Variants in THRB observed in about 807,000 individuals in gnomAD.
THRB encodes thyroid hormone receptor beta, also known as nuclear receptor subfamily 1 group A member 2.
Under a neutral mutation model 47.8 loss-of-function variants are expected in THRB, and 12 were observed. The observed-to-expected ratio is 0.25, with a 90% CI of 0.16 to 0.41. The LOEUF is 0.41. THRB is among the 10% of genes least tolerant of loss of function. THRB has a pLI of 1.00. For synonymous variants in THRB, 218 were observed against 212.2 expected (o/e 1.03, Z -0.24); for missense variants, 348 against 589.2 (o/e 0.59, Z 4.24).
At chr3:24,182,804 T>C (rs2042074702) in intron 5 of THRB, among the ~76,000 whole-genome samples, 2 of 152,202 alleles carry the variant, frequency 1.3e-5, no homozygotes, top group African/African-American at 4.8e-5. Flanking sequence ...ACTGTATAAG[T>C]AGATACGTGC....
chr3:24,404,765 C>T (rs1332191894), intron 1 of THRB, among the ~76,000 whole-genome samples: 1 of 151,756 alleles, frequency 6.6e-6, no homozygotes, highest in Non-Finnish European at 1.5e-5. Flanking sequence ...TTAATAAACA[C>T]AATTTCTTTG....
intron 1 of THRB, among the ~76,000 whole-genome samples, chr3:24,445,318 G>A (rs1312651404): frequency 6.6e-6 from 1 of 152,020 alleles, no homozygotes; most frequent in Non-Finnish European, 1.5e-5. Flanking sequence ...TTATTTATCA[G>A]CTATTGAGCC....
intron 1 of THRB, among the ~76,000 whole-genome samples, chr3:24,375,689 A>G (rs1487301705): frequency 6.6e-6 from 1 of 151,772 alleles, no homozygotes; most frequent in Non-Finnish European, 1.5e-5. Context: ...AGTGGAATAT[A>G]TTCTCAACAT....
chr3:24,312,168 T>C (rs1256025420), intron 2 of THRB, among the ~76,000 whole-genome samples: 1 of 152,228 alleles, frequency 6.6e-6, no homozygotes, highest in African/African-American at 2.4e-5. Context: ...CTTTGGGAAG[T>C]TTTCCTGACC....
chr3:24,171,993 T>C (rs2040500291), intron 5 of THRB, among the ~76,000 whole-genome samples: 1 of 152,166 alleles, frequency 6.6e-6, no homozygotes, highest in South Asian at 2.1e-4. Flanking sequence ...AAATAAACTT[T>C]ATAATCAAAT....
chr3:24,453,522 C>T (rs550642018), intron 1 of THRB, among the ~76,000 whole-genome samples: 2 of 152,310 alleles, frequency 1.3e-5, no homozygotes, highest in East Asian at 1.9e-4. Flanking sequence ...AGTCATTGCT[C>T]ACTCTAGCAA....
intron 1 of THRB, among the ~76,000 whole-genome samples, chr3:24,436,813 TG>T (rs1340764782): frequency 2.9e-4 from 44 of 152,176 alleles, no homozygotes; most frequent in African/African-American, 1.0e-3. Context: ...TCTCTTCTTC[TG>T]TGTGATATAT....
chr3:24,451,482 G>C (rs1204743369), intron 1 of THRB, among the ~76,000 whole-genome samples: 1 of 151,998 alleles, frequency 6.6e-6, no homozygotes, highest in African/African-American at 2.4e-5. Context: ...TGATCCACCC[G>C]CCTCAGCCTC....
intron 3 of THRB, among the ~76,000 whole-genome samples, chr3:24,252,278 C>T (rs986875380): frequency 6.6e-6 from 1 of 151,926 alleles, no homozygotes; most frequent in African/African-American, 2.4e-5. Flanking sequence ...AGTATTGGTG[C>T]ATGAAAAGTT....
At chr3:24,374,490 C>A (rs976184258) in intron 1 of THRB, among the ~76,000 whole-genome samples, 2 of 151,918 alleles carry the variant, frequency 1.3e-5, no homozygotes, top group Non-Finnish European at 2.9e-5. Flanking sequence ...GTTTTAAAGA[C>A]GACTAAAATG....
chr3:24,285,917 A>G (rs1030580493), intron 3 of THRB, among the ~76,000 whole-genome samples: 9 of 152,066 alleles, frequency 5.9e-5, no homozygotes, highest in South Asian at 2.1e-4. Context: ...CTAACCCCCA[A>G]TGTGATGGTA....
chr3:24,310,400 C>A (rs534287477), intron 2 of THRB, among the ~76,000 whole-genome samples: 16 of 152,160 alleles, frequency 1.1e-4, no homozygotes, highest in Non-Finnish European at 1.9e-4. Flanking sequence ...CAAAATCTTT[C>A]TTTACATAAA....
intron 4 of THRB, among the ~76,000 whole-genome samples, chr3:24,196,453 G>C (rs765604929): frequency 6.6e-6 from 1 of 152,158 alleles, no homozygotes; most frequent in Non-Finnish European, 1.5e-5. Flanking sequence ...TATATAAAAA[G>C]GTCTTAGAAC....
chr3:24,467,410 T>C (rs1387660907), intron 1 of THRB, among the ~76,000 whole-genome samples: 2 of 152,224 alleles, frequency 1.3e-5, no homozygotes, highest in East Asian at 3.8e-4. Flanking sequence ...GCATGTAGAA[T>C]GGTAAACCAT....
intron 1 of THRB, among the ~76,000 whole-genome samples, chr3:24,425,303 A>G (rs1028566848): frequency 6.6e-6 from 1 of 152,010 alleles, no homozygotes; most frequent in East Asian, 2.0e-4. Flanking sequence ...ATCTTTGTCA[A>G]TTTAATACAA....
At chr3:24,215,970 T>C (rs1281853899) in intron 4 of THRB, among the ~76,000 whole-genome samples, 1 of 151,032 alleles carries the variant, frequency 6.6e-6, no homozygotes, top group African/African-American at 2.5e-5. Context: ...AGACTTAGCA[T>C]GAGTTAGAAA....
intron 1 of THRB, among the ~76,000 whole-genome samples, chr3:24,416,625 C>A (rs1466870785): frequency 6.6e-6 from 1 of 151,872 alleles, no homozygotes; most frequent in Admixed American, 6.6e-5. Context: ...TTCCTCTGCT[C>A]CAATTCTGTA....
At chr3:24,265,663 C>T (rs1247319539) in intron 3 of THRB, among the ~76,000 whole-genome samples, 1 of 152,102 alleles carries the variant, frequency 6.6e-6, no homozygotes, top group East Asian at 1.9e-4. Context: ...AAAGGAAATA[C>T]ATCCTAAGAT....
At chr3:24,217,434 T>C (rs1260233342) in intron 4 of THRB, among the ~76,000 whole-genome samples, 2 of 152,174 alleles carry the variant, frequency 1.3e-5, no homozygotes, top group South Asian at 2.1e-4. Context: ...AAATATGTCT[T>C]TGATGATTAA....
Sources: gnomAD v4.1 joint callset for allele counts (sites outside exome capture counted in the v4.1 genomes callset) on GRCh38, gnomAD v4.1.1 for gene constraint, MANE v1.5 for transcripts, NCBI Gene and HGNC (gene_info 2026-07-23, HGNC 2026-07-21) for gene names.